PRKG1: variants seen among roughly 807,000 people sequenced by gnomAD.
PRKG1 encodes protein kinase cGMP-dependent 1.
In PRKG1, 35 loss-of-function variants were observed where a neutral mutation model predicts 88.1. The ratio of observed to expected loss-of-function variants is 0.40; its 90% CI spans 0.30 to 0.53. PRKG1 has a LOEUF of 0.53. Ranked by LOEUF, PRKG1 falls within the 20% of genes least tolerant of loss-of-function variation. The pLI is 0.59. For missense variants in PRKG1, 540 were observed against 839.8 expected, an observed-to-expected ratio of 0.64 and a Z score of 4.41; for synonymous variants, 303 against 292.5, an observed-to-expected ratio of 1.04 and a Z score of -0.37.
chr10:51,332,259 G>T (rs1841760104), intron 2 of PRKG1, among the ~76,000 whole-genome samples: 1 of 152,134 alleles, frequency 6.6e-6, no homozygotes, highest in Non-Finnish European at 1.5e-5. Flanking sequence ...GTAGAATGAG[G>T]TCCTAATGAA....
intron 2 of PRKG1, among the ~76,000 whole-genome samples, chr10:51,166,730 A>G (rs888751765): frequency 6.6e-6 from 1 of 152,208 alleles, no homozygotes; most frequent in South Asian, 2.1e-4. Flanking sequence ...GTAACCAGTT[A>G]CATCTATACA....
intron 9 of PRKG1, among the ~76,000 whole-genome samples, chr10:52,204,103 A>G (rs56291440): frequency 1.8e-4 from 13 of 70,830 alleles, no homozygotes; most frequent in South Asian, 3.5e-4. Flanking sequence ...TATTATTATT[A>G]TTATTTTTTG....
chr10:52,100,103 A>G (rs1211425351), intron 7 of PRKG1, among the ~76,000 whole-genome samples: 1 of 152,170 alleles, frequency 6.6e-6, no homozygotes, highest in Non-Finnish European at 1.5e-5. Flanking sequence ...TATGGACAGC[A>G]ATGAATTCAG....
At chr10:51,256,165 A>G (rs1839553078) in intron 2 of PRKG1, among the ~76,000 whole-genome samples, 1 of 152,104 alleles carries the variant, frequency 6.6e-6, no homozygotes, top group Non-Finnish European at 1.5e-5. Context: ...TTTCTCAGGG[A>G]AGAGATCTCT....
intron 2 of PRKG1, among the ~76,000 whole-genome samples, chr10:51,315,661 C>A (rs72803187): frequency 1.1e-3 from 166 of 152,176 alleles, no homozygotes; most frequent in Middle Eastern, 3.4e-3. Flanking sequence ...ACCACATAGC[C>A]AATAAATGGA....
At chr10:51,343,204 G>A (rs967718355) in intron 2 of PRKG1, among the ~76,000 whole-genome samples, 4 of 152,094 alleles carry the variant, frequency 2.6e-5, no homozygotes, top group Non-Finnish European at 4.4e-5. Context: ...ACTCTTTCTT[G>A]TATATCTTTT....
intron 3 of PRKG1, among the ~76,000 whole-genome samples, chr10:51,570,067 A>ATATATATATG (rs1491310201): frequency 1.9e-4 from 21 of 113,110 alleles, no homozygotes; most frequent in African/African-American, 2.9e-4. Context: ...ATATATATAT[A>ATATATATATG]TGTGTGTGTG....
intron 2 of PRKG1, among the ~76,000 whole-genome samples, chr10:51,306,923 A>G (rs1841053624): frequency 6.6e-6 from 1 of 152,120 alleles, no homozygotes; most frequent in Non-Finnish European, 1.5e-5. Context: ...GAAGTCATGG[A>G]GTCTAATGGC....
chr10:52,159,252 T>C (rs1286344747), intron 8 of PRKG1, among the ~76,000 whole-genome samples: 1 of 151,542 alleles, frequency 6.6e-6, no homozygotes, highest in Non-Finnish European at 1.5e-5. Flanking sequence ...CTTTTGTAGG[T>C]ACATATTATT....
intron 1 of PRKG1, among the ~76,000 whole-genome samples, chr10:51,082,754 A>G (rs1844145660): frequency 6.6e-6 from 1 of 152,062 alleles, no homozygotes; most frequent in Non-Finnish European, 1.5e-5. Flanking sequence ...CGTGTAGACA[A>G]ATTGTACGTG....
intron 2 of PRKG1, among the ~76,000 whole-genome samples, chr10:51,245,317 G>A (rs1839261220): frequency 2.6e-5 from 4 of 151,974 alleles, no homozygotes; most frequent in Admixed American, 2.6e-4. Context: ...AGTGAAATTA[G>A]CAGAATGTCA....
intron 2 of PRKG1, among the ~76,000 whole-genome samples, chr10:51,154,790 T>A (rs904214141): frequency 1.3e-5 from 2 of 151,498 alleles, no homozygotes; most frequent in African/African-American, 2.4e-5. Flanking sequence ...CAAAACACAA[T>A]AAACAAAAAT....
intron 2 of PRKG1, among the ~76,000 whole-genome samples, chr10:51,189,074 C>G (rs1005842345): frequency 2.0e-5 from 3 of 151,690 alleles, no homozygotes; most frequent in Non-Finnish European, 4.4e-5. Context: ...ACAGTGCTAT[C>G]ATGAGGTGAC....
At chr10:51,859,360 T>G (rs1160239099) in intron 4 of PRKG1, among the ~76,000 whole-genome samples, 5 of 151,794 alleles carry the variant, frequency 3.3e-5, no homozygotes, top group African/African-American at 7.2e-5. Context: ...TTTCTTTTTT[T>G]TTTTTTCTTC....
intron 3 of PRKG1, among the ~76,000 whole-genome samples, chr10:51,494,633 A>G (rs1207647040): frequency 1.3e-5 from 2 of 152,228 alleles, no homozygotes; most frequent in African/African-American, 2.4e-5. Context: ...CTTACTCACT[A>G]GTTAATTGGA....
chr10:52,105,647 AG>A (rs1217049356), intron 7 of PRKG1, among the ~76,000 whole-genome samples: 2 of 151,882 alleles, frequency 1.3e-5, no homozygotes, highest in Admixed American at 6.6e-5. Flanking sequence ...TTTTAAGTTC[AG>A]GGGTACAAGT....
intron 4 of PRKG1, among the ~76,000 whole-genome samples, chr10:51,851,498 G>A (rs959897509): frequency 1.3e-5 from 2 of 152,146 alleles, no homozygotes; most frequent in African/African-American, 4.8e-5. Flanking sequence ...CTTCCCTATG[G>A]GGAAGTAGGG....
At chr10:51,451,474 A>C (rs1402279508) in intron 2 of PRKG1, among the ~76,000 whole-genome samples, 34 of 151,970 alleles carry the variant, frequency 2.2e-4, no homozygotes, top group Non-Finnish European at 2.9e-5. Flanking sequence ...TTTGAATAAG[A>C]GAATGTCAGA....
chr10:51,073,135 G>C (rs1463844548), upstream of PRKG1, among the ~76,000 whole-genome samples: 1 of 152,134 alleles, frequency 6.6e-6, no homozygotes, highest in Non-Finnish European at 1.5e-5. Flanking sequence ...CAGATATTTG[G>C]GGATTCTAAA....
Sources: allele counts gnomAD v4.1 joint callset (sites outside exome capture counted in the v4.1 genomes callset), GRCh38; gene constraint gnomAD v4.1.1; transcripts MANE v1.5; gene names NCBI Gene and HGNC (gene_info 2026-07-23, HGNC 2026-07-21).